Variants in CAST observed in about 807,000 individuals in gnomAD.
The protein encoded by CAST is MIR583 host.
Under a neutral mutation model 119.6 loss-of-function variants are expected in CAST, and 76 were observed. The observed-to-expected ratio is 0.64, with a 90% CI of 0.53 to 0.77. The LOEUF (loss-of-function observed/expected upper bound fraction) is 0.77, where lower values mean the gene tolerates loss of function less well. CAST is among the 30% of genes least tolerant of loss of function. The probability of loss-of-function intolerance (pLI) is 0.00; values close to 1 mark genes in which losing one functional copy is unlikely to be tolerated. For missense variants in CAST, 953 were observed against 946.5 expected, an observed-to-expected ratio of 1.01 and a Z score of -0.09; for synonymous variants, 319 against 331.6, an observed-to-expected ratio of 0.96 and a Z score of 0.41.
At chr5:96,659,500 T>C (rs1332264400), upstream of CAST, among the ~76,000 whole-genome samples, 2 of 152,188 alleles carry the variant, frequency 1.3e-5, no homozygotes, top group African/African-American at 4.8e-5. Context: ...CAGACAGTAA[T>C]GTGGCAAAAG....
intron 1 of CAST, among the ~76,000 whole-genome samples, chr5:96,593,354 A>G (rs1432252764): frequency 6.6e-6 from 1 of 152,152 alleles, no homozygotes; most frequent in African/African-American, 2.4e-5. Context: ...TGTCTTGATC[A>G]TGGAATTTTT....
At chr5:96,436,169 C>T in the CAST span, among the ~76,000 whole-genome samples, 2 of 152,268 alleles carry the variant, frequency 1.3e-5, no homozygotes, top group South Asian at 4.1e-4. Context: ...ACAAATTAGT[C>T]TGTAATTAAA....
At position 96,773,075 on chromosome 5, in the gene CAST, A is replaced by C; in HGVS notation, c.*459A>C. 6.5e-6 allele frequency: 1 copy of C among 153,772 alleles called. No homozygotes were observed. The highest frequency in any genetic ancestry group is 1.5e-5 in the Non-Finnish European group (1 of 67,968). The allele number at this position is 153,772 out of a possible 1,614,324, so 9.5% of individuals were successfully genotyped here. On this transcript the variant is annotated 3_prime_UTR_variant, in exon 32 of 32. Transcript: ENST00000675179. ...ACATTCTTCAGTGTTCTGATTTCTT[A>C]TTACCCCCTTTCCTCTTGGGCTTTT...
chr5:96,550,202 C>A (rs1349667581), intron 1 of CAST, among the ~76,000 whole-genome samples: 2 of 152,194 alleles, frequency 1.3e-5, no homozygotes, highest in Non-Finnish European at 2.9e-5. Context: ...TGGAATGAAG[C>A]CTCCAGAGAA....
At chr5:96,408,055 T>C in the CAST span, among the ~76,000 whole-genome samples, 1 of 152,236 alleles carries the variant, frequency 6.6e-6, no homozygotes, top group Non-Finnish European at 1.5e-5. Context: ...TAAATCTACA[T>C]TGAGATGTTA....
chr5:96,665,749 C>CACACACACACATATACAT (rs892677088), intron 1 of CAST, among the ~76,000 whole-genome samples: 6 of 139,828 alleles, frequency 4.3e-5, no homozygotes, highest in African/African-American at 1.5e-4. Flanking sequence ...CACATACACA[C>CACACACACACATATACAT]ACACACACAC....
chr5:96,014,219 C>G, the CAST span, among the ~76,000 whole-genome samples: 6 of 150,602 alleles, frequency 4.0e-5, no homozygotes, highest in South Asian at 1.3e-3. Context: ...CCTAGGCCTA[C>G]ACGGGGTCAG....
the CAST span, among the ~76,000 whole-genome samples, chr5:96,097,964 A>T: frequency 6.6e-6 from 1 of 152,068 alleles, no homozygotes; most frequent in African/African-American, 2.4e-5. Context: ...GTAAGTATTC[A>T]TTTTTCTCTA....
At chr5:96,009,783 A>G in the CAST span, among the ~76,000 whole-genome samples, 17 of 152,294 alleles carry the variant, frequency 1.1e-4, no homozygotes, top group Non-Finnish European at 1.8e-4. Flanking sequence ...GCTGTACAGA[A>G]GCTCTTTAGT....
chr5:96,425,284 T>C, the CAST span, among the ~76,000 whole-genome samples: 65,286 of 152,050 alleles, frequency 0.43, 14,981 homozygotes, highest in African/African-American at 0.58. Flanking sequence ...AACAATTTCT[T>C]CGCTCAAGGA....
the CAST span, among the ~76,000 whole-genome samples, chr5:96,044,618 A>G: frequency 2.6e-5 from 4 of 152,214 alleles, no homozygotes; most frequent in African/African-American, 9.6e-5. Context: ...TTCTAAGTAT[A>G]TATACATGCT....
the CAST span, among the ~76,000 whole-genome samples, chr5:96,051,602 T>G: frequency 1.3e-5 from 2 of 152,064 alleles, no homozygotes; most frequent in African/African-American, 2.4e-5. Context: ...TGAACTGGCC[T>G]GGATTGGCAG....
chr5:96,756,944 C>T (rs145914092), intron 22 of CAST, among the ~76,000 whole-genome samples: 1 of 152,158 alleles, frequency 6.6e-6, no homozygotes, highest in African/African-American at 2.4e-5. Flanking sequence ...GAGGGCAAGG[C>T]CTTTGTGCGA....
the CAST span, among the ~76,000 whole-genome samples, chr5:96,396,275 T>C: frequency 6.6e-6 from 1 of 152,166 alleles, no homozygotes; most frequent in Non-Finnish European, 1.5e-5. Flanking sequence ...CAAAAAGTTA[T>C]CTAGGCCGGG....
the CAST span, among the ~76,000 whole-genome samples, chr5:96,466,701 C>T: frequency 1.3e-5 from 2 of 152,078 alleles, no homozygotes; most frequent in African/African-American, 2.4e-5. Flanking sequence ...ATATCTTCCT[C>T]ATTAATTGTA....
At chr5:96,727,670 G>C (rs1403283960) in intron 6 of CAST, 140 bp downstream of exon 6, 9 of 489,040 alleles carry the variant, frequency 1.8e-5, no homozygotes, top group Non-Finnish European at 1.8e-5. Flanking sequence ...CTTTTGAATG[G>C]CTGTGTACAT....
At chr5:96,172,968 A>G in the CAST span, among the ~76,000 whole-genome samples, 1 of 152,364 alleles carries the variant, frequency 6.6e-6, no homozygotes, top group Middle Eastern at 3.4e-3. Context: ...CACATATGCC[A>G]CTATGCTCAT....
chr5:96,577,061 C>G (rs766545629), intron 1 of CAST, among the ~76,000 whole-genome samples: 1 of 152,192 alleles, frequency 6.6e-6, no homozygotes, highest in Non-Finnish European at 1.5e-5. Flanking sequence ...TTAGCTCCCA[C>G]TTACAAGTGA....
chr5:96,079,762 G>A, the CAST span, among the ~76,000 whole-genome samples: 1 of 151,850 alleles, frequency 6.6e-6, no homozygotes, highest in Non-Finnish European at 1.5e-5. Flanking sequence ...ATACATCTTG[G>A]TTATTATTAT....
Sources: allele counts gnomAD v4.1 joint callset (sites outside exome capture counted in the v4.1 genomes callset), GRCh38; gene constraint gnomAD v4.1.1; transcripts MANE v1.5; gene names NCBI Gene and HGNC (gene_info 2026-07-23, HGNC 2026-07-21).